DYNC2H1: variants seen among roughly 807,000 people sequenced by gnomAD.
The protein encoded by DYNC2H1 is dynein cytoplasmic 2 heavy chain 1.
DYNC2H1 carries 410 observed loss-of-function variants against 570.0 expected under a neutral mutation model. The observed-to-expected ratio is 0.72, with a 90% CI of 0.66 to 0.78. DYNC2H1 has a LOEUF of 0.78. Ranked by LOEUF, DYNC2H1 falls within the 30% of genes least tolerant of loss-of-function variation. The pLI is 0.00. For synonymous variants in DYNC2H1, 1,688 were observed against 1,677.6 expected, an observed-to-expected ratio of 1.01 and a Z score of -0.15; for missense variants, 4,865 against 5,046.4, an observed-to-expected ratio of 0.96 and a Z score of 1.09.
Position 103,256,146 on chromosome 11 carries a change from A to G in DYNC2H1, c.10367A>G (p.Asp3456Gly). The G allele has an allele frequency of 1.2e-6, 2 of 1,608,416 alleles. No individual in the cohort carries two copies. Residue 3456 changes from aspartate (D) to glycine (G), a missense_variant, in exon 68 of 89, where the codon GAT becomes GGT. Physicochemically the swap from Asp to Gly is moderately conservative, Grantham distance 94. Around this residue, in one of 5 missense-constraint regions of DYNC2H1, gnomAD observed 2,401 missense variants for 2,454.6 expected, o/e 0.98. Coordinates refer to ENST00000375735, the MANE Select transcript of DYNC2H1 (RefSeq NM_001377.3). This position sits in a 1 kb window ranked among gnomAD's most constrained non-coding sequence, Gnocchi z 4.0. Reference sequence around the variant, plus strand: ...CAAGGCAATATTTTGGAAAATAAGGATTTGATTGAGTCTTTGAATCAGACA... The same window carrying G: ...CAAGGCAATATTTTGGAAAATAAGGGTTTGATTGAGTCTTTGAATCAGACA... ...TSQGNILENK[D>G]LIESLNQTKA... is the part of the protein sequence containing the mutation.
chr11:103,476,731 G>C (rs980696371), intron 88 of DYNC2H1, among the ~76,000 whole-genome samples: 1 of 152,144 alleles, frequency 6.6e-6, no homozygotes, highest in South Asian at 2.1e-4. Flanking sequence ...AGTTGTTGGT[G>C]TGTGGGTATG....
chr11:103,161,486 A>G (rs1861090895), intron 29 of DYNC2H1, among the ~76,000 whole-genome samples: 1 of 152,084 alleles, frequency 6.6e-6, no homozygotes, highest in Non-Finnish European at 1.5e-5. Context: ...AGCATCCCTA[A>G]TGTGAAAATC....
Position 103,205,042 on chromosome 11 carries a change from T to C in DYNC2H1, c.8454+78T>C. Reference sequence around the variant, plus strand: ...ATTGATTTTCACAACTTCTCTTTGGTGTTGGTTATAACATCACCTTAATTA... The same window carrying C: ...ATTGATTTTCACAACTTCTCTTTGGCGTTGGTTATAACATCACCTTAATTA... On this transcript the variant is annotated intron_variant, in intron 52 of 88. Coordinates refer to ENST00000375735, the MANE Select transcript of DYNC2H1 (RefSeq NM_001377.3). The surrounding 1 kb of genome is among the most constrained non-coding windows in gnomAD (Gnocchi z 4.5). 2 of 1,386,292 alleles carry C rather than the reference T, an allele frequency of 1.4e-6. No individual in the cohort carries two copies. The highest frequency in any genetic ancestry group is 2.0e-6 in the Non-Finnish European group (2 of 1,020,924). The allele number at this position is 1,386,292 out of a possible 1,614,324, so 85.9% of individuals were successfully genotyped here. A position where few individuals can be genotyped will look rare whatever the true frequency, so the allele number is the denominator to read the frequency against.
chr11:103,114,123 C>T lies in DYNC2H1; in HGVS notation c.387C>T (p.Asn129=), dbSNP rs1350209869. The T allele has an allele frequency of 6.2e-7, 1 of 1,610,524 alleles. No individual in the cohort carries two copies. Among genetic ancestry groups the T allele is most frequent in the Non-Finnish European group, 8.5e-7 (1 of 1,178,272 alleles). The change falls in exon 3 of 89, where the codon AAC becomes AAT. Residue 129 remains asparagine, a synonymous_variant. Transcript: ENST00000375735. ...TTTAGGATCAGGAATGGAGCAGAAA[C>T]TTTGATCCCAAACTTCAGAATCTTT... The part of the protein sequence containing the change: ...MLLKDQEWSR[N]FDPKLQNLLS...
Position 103,187,448 on chromosome 11 carries a change from T to A in DYNC2H1, c.7002T>A (p.Thr2334=). The change falls in exon 43 of 89, where the codon ACT becomes ACA. Residue 2334 remains threonine (T), a synonymous_variant. Transcript: ENST00000375735. ...SRHLLQKLSQ[T]CMVISTNTGR... ...ATCTCCTGCAGAAACTGAGCCAGAC[T>A]TGCATGGTAATCAGTACTAATACTG... The A allele has an allele frequency of 5.0e-6, 8 of 1,613,362 alleles. No homozygotes were observed. The highest frequency in any genetic ancestry group is 6.8e-6 in the Non-Finnish European group (8 of 1,179,468).
Position 103,465,606 on chromosome 11 carries a change from T to C in DYNC2H1, c.12649-2983T>C, listed in dbSNP as rs1945172465. ...TTTGCTGATTTACTCAGACCCACTC[T>C]GCATCTGCATTCGGCTAGATCAGTT... On this transcript the variant is annotated intron_variant, in intron 87 of 88. Coordinates refer to ENST00000375735, the MANE Select transcript of DYNC2H1 (RefSeq NM_001377.3). This position sits in a 1 kb window ranked among gnomAD's most constrained non-coding sequence, Gnocchi z 4.9. Among the ~76,000 whole-genome samples, 1 of 152,192 alleles carries C rather than the reference T, an allele frequency of 6.6e-6. No individual in the cohort carries two copies. Among genetic ancestry groups the C allele is most frequent in the African/African-American group, 2.4e-5 (1 of 41,452 alleles).
At chr11:103,253,104 C>T (rs568487459) in intron 65 of DYNC2H1, among the ~76,000 whole-genome samples, 181 bp from the exon 66 acceptor site, 136 of 152,246 alleles carry the variant, frequency 8.9e-4, no homozygotes, top group African/African-American at 3.1e-3. Context: ...TTTATCATTG[C>T]TTGCATAAGT....
In DYNC2H1 at chr11:103,204,932, A is replaced by T. The variant is rs1447889797; in HGVS notation, c.8422A>T (p.Met2808Leu). 1 of 1,592,318 alleles carries T rather than the reference A, an allele frequency of 6.3e-7. No homozygotes were observed. The part of the protein sequence containing the change: ...ALHKKCQVLW[M>L]EGWSNSSMKK... Reference sequence around the variant, plus strand: ...GCATAAGAAATGCCAGGTGTTGTGGATGGAGGGTTGGTCCAATAGCAGTAT... The same window carrying T: ...GCATAAGAAATGCCAGGTGTTGTGGTTGGAGGGTTGGTCCAATAGCAGTAT... Residue 2808 changes from methionine (M) to leucine (L), a missense_variant, in exon 52 of 89, where the codon ATG (methionine) becomes TTG (leucine). By Grantham distance (15) the Met-to-Leu change is conservative. Transcript: ENST00000375735. This position sits in a 1 kb window ranked among gnomAD's most constrained non-coding sequence, Gnocchi z 4.1.
At chr11:103,227,261 G>A (rs1591439851) in intron 59 of DYNC2H1, among the ~76,000 whole-genome samples, 1 of 151,402 alleles carries the variant, frequency 6.6e-6, no homozygotes, top group East Asian at 1.9e-4. Flanking sequence ...AGTTCCATGA[G>A]GTGTGACCTT....
chr11:103,300,218 T>C (rs979022702), intron 75 of DYNC2H1, among the ~76,000 whole-genome samples: 2 of 152,096 alleles, frequency 1.3e-5, no homozygotes, highest in Admixed American at 1.3e-4. Context: ...TCTTTTTTGT[T>C]ATCTCAGTAT....
At chr11:103,433,536 G>A (rs1591750286) in intron 84 of DYNC2H1, among the ~76,000 whole-genome samples, 1 of 152,090 alleles carries the variant, frequency 6.6e-6, no homozygotes. Flanking sequence ...CAGCTTCCAA[G>A]GTTACTCATG....
intron 82 of DYNC2H1, among the ~76,000 whole-genome samples, chr11:103,331,968 G>A (rs1381266202): frequency 1.3e-5 from 2 of 151,910 alleles, no homozygotes; most frequent in Non-Finnish European, 2.9e-5. Flanking sequence ...GGTAAGGCAG[G>A]AGAATTGCTT....
chr11:103,304,816 G>T, intron 77 of DYNC2H1, 96 bp downstream of exon 77: 4 of 1,211,106 alleles, frequency 3.3e-6, no homozygotes, highest in Admixed American at 6.0e-5. Context: ...TATTTATGAT[G>T]ATTTAAAAAG....
In DYNC2H1 at chr11:103,135,589, C is replaced by G. The variant is rs1859493378; in HGVS notation, c.2300C>G (p.Ala767Gly). 2 of 1,613,144 alleles carry G rather than the reference C, an allele frequency of 1.2e-6. No individual in the cohort carries two copies. Among genetic ancestry groups the G allele is most frequent in the Admixed American group, 3.3e-5 (2 of 59,892 alleles). The change falls in exon 16 of 89, where the codon GCA becomes GGA. Residue 767 changes from alanine to glycine, a missense_variant. This residue lies in a region of DYNC2H1 where 1,936 missense variants were observed against 1,962.1 expected (regional missense o/e 0.99). Transcript: ENST00000375735. ...LEHQYQMGLE[A>G]LNENLPEINI... ...CATCAGTACCAGATGGGCTTAGAAG[C>G]ACTTAATGAGAATTTGCCAGAAATA...
intron 17 of DYNC2H1, among the ~76,000 whole-genome samples, chr11:103,138,499 A>G (rs1233815832): frequency 1.3e-5 from 2 of 152,170 alleles, no homozygotes; most frequent in Admixed American, 6.5e-5. Context: ...GGTTCTGTTT[A>G]TATGCTGGAT....
chr11:103,141,174 A>G (rs1289749474), intron 17 of DYNC2H1, among the ~76,000 whole-genome samples: 1 of 151,946 alleles, frequency 6.6e-6, no homozygotes, highest in Non-Finnish European at 1.5e-5. Flanking sequence ...GCTCAGAGTA[A>G]TTTGATCGTC....
chr11:103,147,273 A>T (rs957166893), intron 18 of DYNC2H1, among the ~76,000 whole-genome samples: 1 of 151,600 alleles, frequency 6.6e-6, no homozygotes, highest in Admixed American at 6.6e-5. Context: ...CATTCATTAC[A>T]TTTTTTTTCA....
intron 70 of DYNC2H1, among the ~76,000 whole-genome samples, chr11:103,279,474 C>G (rs1866046354): frequency 6.6e-6 from 1 of 152,040 alleles, no homozygotes; most frequent in Admixed American, 6.6e-5. Flanking sequence ...TTTGTTTCTT[C>G]CTTCTTTCTT....
rs149452352 is a variant in DYNC2H1 at position 103,253,290 on chromosome 11, C to T, written c.10048C>T (p.Arg3350Cys). 2.1e-4 allele frequency: 338 copies of T among 1,610,434 alleles called. No individual in the cohort carries two copies. The African/African-American group carries it at 3.7e-3, about 18-fold the overall frequency. The change falls in exon 66 of 89, where the codon CGT (arginine) becomes TGT (cysteine). Residue 3350 changes from arginine to cysteine, a missense_variant. Physicochemically the swap from Arg to Cys is radical, Grantham distance 180. Transcript: ENST00000375735. ...TGTGTGTTTTTTTTAAATAGGACCA[C>T]GTTATGTGGTACAAATAGGTGACAA... ...LRRDLVAQGP[R>C]YVVQIGDKII...
Sources: allele counts gnomAD v4.1 joint callset (sites outside exome capture counted in the v4.1 genomes callset), GRCh38; gene constraint gnomAD v4.1.1; regional missense constraint gnomAD v4.1.1; non-coding constraint Gnocchi (gnomAD v3.1); transcripts MANE v1.5; gene names NCBI Gene and HGNC (gene_info 2026-07-23, HGNC 2026-07-21).